DCT: variants seen among roughly 807,000 people sequenced by gnomAD.
DCT encodes the protein dopachrome tautomerase.
In DCT, 47 loss-of-function variants were observed where a neutral mutation model predicts 53.0. The ratio of observed to expected loss-of-function variants is 0.89; its 90% confidence interval spans 0.70 to 1.13. The LOEUF is 1.13. Among genes scored for constraint, DCT ranks in the 50% most tolerant of loss-of-function variants. The pLI is 0.00. For synonymous variants in DCT, 244 were observed against 237.0 expected, an observed-to-expected ratio of 1.03 and a Z score of -0.27; for missense variants, 669 against 637.4, an observed-to-expected ratio of 1.05 and a Z score of -0.53.
chr13:94,491,845 C>G, the DCT span, among the ~76,000 whole-genome samples: 1 of 152,166 alleles, frequency 6.6e-6, no homozygotes, highest in Non-Finnish European at 1.5e-5. Context: ...CAGAATTCTG[C>G]AGTTAGTCCT....
chr13:94,506,375 C>T, the DCT span, among the ~76,000 whole-genome samples: 3 of 152,120 alleles, frequency 2.0e-5, no homozygotes, highest in Non-Finnish European at 4.4e-5. Flanking sequence ...AGTAAGGAGT[C>T]CTCCCTAAAA....
chr13:94,441,677 T>G (rs1882325491), intron 7 of DCT, among the ~76,000 whole-genome samples: 1 of 152,230 alleles, frequency 6.6e-6, no homozygotes, highest in South Asian at 2.1e-4. Context: ...TATCAGAATC[T>G]CCTTCCTTTT....
the DCT span, among the ~76,000 whole-genome samples, chr13:94,505,841 C>T: frequency 2.6e-5 from 4 of 152,196 alleles, no homozygotes; most frequent in Admixed American, 2.6e-4. Flanking sequence ...CTTCAACCAA[C>T]AGCCAGCAAG....
chr13:94,509,624 A>C, the DCT span, among the ~76,000 whole-genome samples: 1 of 152,338 alleles, frequency 6.6e-6, no homozygotes, highest in Non-Finnish European at 1.5e-5. Context: ...TAGGAGTGTT[A>C]TCTCAGCATA....
At chr13:94,509,429 A>G in the DCT span, among the ~76,000 whole-genome samples, 3 of 128,928 alleles carry the variant, frequency 2.3e-5, no homozygotes, top group African/African-American at 8.7e-5. Context: ...CCCCCTCCCC[A>G]CACACACACA....
intron 5 of DCT, among the ~76,000 whole-genome samples, chr13:94,460,875 A>G (rs527681127): frequency 1.2e-4 from 19 of 152,264 alleles, no homozygotes; most frequent in Non-Finnish European, 2.5e-4. Flanking sequence ...AGGGGATGGT[A>G]GATAGATTAA....
intron 2 of DCT, 119 bp downstream of exon 2, chr13:94,468,627 C>T: frequency 3.3e-6 from 3 of 905,560 alleles, no homozygotes; most frequent in Non-Finnish European, 5.1e-6. Flanking sequence ...TTTCATAAAC[C>T]TAAGGCTGCC....
the DCT span, among the ~76,000 whole-genome samples, chr13:94,540,234 A>G: frequency 6.6e-6 from 1 of 152,254 alleles, no homozygotes; most frequent in South Asian, 2.1e-4. Flanking sequence ...AGGAAGAAAG[A>G]AAGGACAAAT....
chr13:94,450,773 T>A (rs1883027800), intron 6 of DCT, among the ~76,000 whole-genome samples: 1 of 152,164 alleles, frequency 6.6e-6, no homozygotes, highest in African/African-American at 2.4e-5. Flanking sequence ...ACCAAGGTGA[T>A]GCTAGAAGAG....
chr13:94,475,794 C>T (rs1885035763), intron 1 of DCT, among the ~76,000 whole-genome samples: 1 of 152,212 alleles, frequency 6.6e-6, no homozygotes, highest in South Asian at 2.1e-4. Flanking sequence ...TATGTCCAAA[C>T]ACCATATTGT....
chr13:94,515,875 C>T, the DCT span, among the ~76,000 whole-genome samples: 1 of 152,054 alleles, frequency 6.6e-6, no homozygotes, highest in African/African-American at 2.4e-5. Flanking sequence ...ATACACACAT[C>T]CAGATAACAA....
At chr13:94,456,113 G>C (rs144439863) in intron 6 of DCT, among the ~76,000 whole-genome samples, 1 of 152,228 alleles carries the variant, frequency 6.6e-6, no homozygotes, top group Non-Finnish European at 1.5e-5. Context: ...AGCAAAGATC[G>C]CTGTGGCGGC....
At chr13:94,464,736 G>T (rs67968378) in intron 4 of DCT, among the ~76,000 whole-genome samples, 27,440 of 151,926 alleles carry the variant, frequency 0.18, 2,627 homozygotes, top group Non-Finnish European at 0.2. Flanking sequence ...GGAAATTTTT[G>T]GCTGAAATGT....
At chr13:94,471,913 T>C (rs1265730663) in intron 1 of DCT, among the ~76,000 whole-genome samples, 3 of 152,170 alleles carry the variant, frequency 2.0e-5, no homozygotes, top group African/African-American at 7.2e-5. Context: ...TAGTGGAAGA[T>C]TGCAGAGTGT....
chr13:94,504,206 T>C, the DCT span, among the ~76,000 whole-genome samples: 1 of 152,242 alleles, frequency 6.6e-6, no homozygotes, highest in Non-Finnish European at 1.5e-5. Flanking sequence ...GTTCCAAATT[T>C]ACACTAATTT....
chr13:94,517,440 C>A, the DCT span, among the ~76,000 whole-genome samples: 1 of 152,092 alleles, frequency 6.6e-6, no homozygotes, highest in African/African-American at 2.4e-5. Flanking sequence ...GTGTCATTTT[C>A]AAAAATGAGA....
At chr13:94,507,747 G>A in the DCT span, among the ~76,000 whole-genome samples, 37 of 152,218 alleles carry the variant, frequency 2.4e-4, no homozygotes, top group African/African-American at 8.7e-4. Context: ...TGATCCACCT[G>A]CCTCGGCCTC....
chr13:94,437,145 A>G lies in DCT; in HGVS notation c.*2753T>C, dbSNP rs545141548. On this transcript the variant is annotated 3_prime_UTR_variant, in exon 8 of 8. Coordinates refer to ENST00000377028, the MANE Select transcript of DCT (RefSeq NM_001922.5). ...GAAAATAGCAATTGTTTGGAAACTC[A>G]CCAGAAAATAGCATATCAGTTTAAG... 1.3e-4 allele frequency: 20 copies of G among 152,296 alleles called. No individual in the cohort carries two copies. In the East Asian group the frequency reaches 3.9e-3, roughly 29 times the overall value. The allele number at this position is 152,296 out of a possible 1,614,324, so 9.4% of individuals were successfully genotyped here. A position where few individuals can be genotyped will look rare whatever the true frequency, so the allele number is the denominator to read the frequency against.
the DCT span, among the ~76,000 whole-genome samples, chr13:94,491,644 TAGA>T: frequency 2.0e-5 from 3 of 152,288 alleles, 1 homozygote; most frequent in African/African-American, 4.8e-5. Context: ...CTTTTGGGAT[TAGA>T]AGGAGAGTTG....
Sources: gnomAD v4.1 joint callset for allele counts (sites outside exome capture counted in the v4.1 genomes callset) on GRCh38, gnomAD v4.1.1 for gene constraint, MANE v1.5 for transcripts, NCBI Gene and HGNC (gene_info 2026-07-23, HGNC 2026-07-21) for gene names.